Variants in PCDH15 observed in about 807,000 individuals in gnomAD.
PCDH15 encodes protocadherin related 15.
A neutral mutation model predicts 178.5 loss-of-function variants in PCDH15; 129 were observed. That is an observed-to-expected ratio of 0.72 (90% confidence interval 0.63 to 0.84). PCDH15 has a LOEUF of 0.84. Among genes scored for constraint, PCDH15 ranks in the 40% least tolerant of loss-of-function variants. The pLI is 0.00. For missense variants in PCDH15, 2,230 were observed against 2,099.9 expected (o/e 1.06, Z -1.21); for synonymous variants, 800 against 732.0 (o/e 1.09, Z -1.50).
chr10:55,399,341 G>A (rs1281389379), intron 2 of PCDH15, among the ~76,000 whole-genome samples: 1 of 151,924 alleles, frequency 6.6e-6, no homozygotes, highest in Non-Finnish European at 1.5e-5. Flanking sequence ...TCTGCCACTG[G>A]AAACACTACA....
chr10:54,697,946 A>T (rs1240536145), intron 1 of PCDH15, among the ~76,000 whole-genome samples: 1 of 151,332 alleles, frequency 6.6e-6, no homozygotes, highest in African/African-American at 2.4e-5. Context: ...GCATCTGTAC[A>T]TTCCCTTCTT....
chr10:55,263,745 AT>A lies in PCDH15; in HGVS notation c.-156+55853del, dbSNP rs1037248183. Among the ~76,000 whole-genome samples, 155 of 151,726 alleles carry A rather than the reference AT, an allele frequency of 1.0e-3. 1 individual carries two copies. Among genetic ancestry groups the A allele is most frequent in the African/African-American group, 3.5e-3 (144 of 41,360 alleles). On this transcript the variant is annotated intron_variant, in intron 1 of 5. Coordinates refer to the PCDH15 transcript ENST00000458638. ...TTAATTTATTTTATTTTATTATTTT[AT>A]TTTTTTGAGACGGAGTCTCACTCTG... is the stretch of plus-strand genomic sequence containing the variant.
At chr10:54,963,164 G>A (rs1485591120) in intron 2 of PCDH15, among the ~76,000 whole-genome samples, 1 of 152,150 alleles carries the variant, frequency 6.6e-6, no homozygotes, top group Non-Finnish European at 1.5e-5. Context: ...GGAAAATGGT[G>A]AGTCCCATGG....
intron 37 of PCDH15, chr10:53,809,430 C>T: frequency 6.2e-7 from 1 of 1,613,976 alleles, no homozygotes. Context: ...TGGCTCTCTT[C>T]CATGTTGTGT....
At chr10:55,424,999 AAC>A (rs1006018811) in intron 2 of PCDH15, among the ~76,000 whole-genome samples, 14 of 152,206 alleles carry the variant, frequency 9.2e-5, no homozygotes, top group African/African-American at 3.1e-4. Flanking sequence ...ACTTTTAAGA[AAC>A]AGATCAAATT....
At position 55,054,729 on chromosome 10, in the gene PCDH15, C is replaced by T. The variant is rs527493947; in HGVS notation, c.-80+111847G>A. Among the ~76,000 whole-genome samples the T allele has an allele frequency of 1.7e-4, 26 of 152,220 alleles. 4 individuals are homozygous for T. Among genetic ancestry groups the T allele is most frequent in the African/African-American group, 6.0e-4 (25 of 41,536 alleles). On this transcript the variant is annotated intron_variant, in intron 2 of 5. Coordinates refer to the PCDH15 transcript ENST00000458638. Reference sequence around the variant, plus strand: ...CATTCTGACTGGTGTTAGATGGCATCTCATTGTGGTTTGATTTGCATTTCT... The same window carrying T: ...CATTCTGACTGGTGTTAGATGGCATTTCATTGTGGTTTGATTTGCATTTCT...
chr10:55,273,690 T>G (rs1474407210), intron 1 of PCDH15, among the ~76,000 whole-genome samples: 1 of 152,058 alleles, frequency 6.6e-6, no homozygotes, highest in Non-Finnish European at 1.5e-5. Flanking sequence ...CTGTTAGAAC[T>G]TTCCTTATAT....
chr10:55,160,351 G>A (rs1264618009), intron 2 of PCDH15, among the ~76,000 whole-genome samples: 2 of 151,812 alleles, frequency 1.3e-5, no homozygotes, highest in East Asian at 3.9e-4. Flanking sequence ...GCCATCCTCT[G>A]GATTTGTCTT....
intron 2 of PCDH15, among the ~76,000 whole-genome samples, chr10:54,992,522 G>A (rs1031044265): frequency 1.2e-4 from 18 of 152,072 alleles, no homozygotes; most frequent in African/African-American, 3.9e-4. Flanking sequence ...GGAGGCCGAG[G>A]CGGGCAGATC....
chr10:55,104,185 T>C (rs796559390), intron 2 of PCDH15, among the ~76,000 whole-genome samples: 5 of 149,630 alleles, frequency 3.3e-5, no homozygotes, highest in African/African-American at 7.7e-5. Flanking sequence ...GTAATAAATA[T>C]CCTTTGTAGC....
chr10:55,313,391 T>G (rs934890368), intron 1 of PCDH15, among the ~76,000 whole-genome samples: 4 of 152,196 alleles, frequency 2.6e-5, no homozygotes, highest in African/African-American at 9.7e-5. Context: ...AATTCCAAAA[T>G]TTCAGTTAAA....
At position 53,803,425 on chromosome 10, in the gene PCDH15, A is replaced by C. The variant is rs1840984735; in HGVS notation, c.*3154T>G. On this transcript the variant is annotated 3_prime_UTR_variant, in exon 38 of 38. Transcript: ENST00000644397. Reference sequence around the variant, plus strand: ...TGATATAAAAATGTTTTTAAATAATATTTTAATGGTAACTACTGAATCACC... The same window carrying C: ...TGATATAAAAATGTTTTTAAATAATCTTTTAATGGTAACTACTGAATCACC... 1 of 151,980 alleles carries C rather than the reference A, an allele frequency of 6.6e-6. No individual in the cohort carries two copies. The highest frequency in any genetic ancestry group is 6.6e-5 in the Admixed American group (1 of 15,230). The allele number at this position is 151,980 out of a possible 1,614,324, so 9.4% of individuals were successfully genotyped here.
At chr10:54,512,170 C>T (rs1198161753) in intron 3 of PCDH15, among the ~76,000 whole-genome samples, 1 of 152,060 alleles carries the variant, frequency 6.6e-6, no homozygotes, top group East Asian at 1.9e-4. Flanking sequence ...TCTAATAAAA[C>T]ATAAAGTTTC....
At chr10:53,959,638 T>C in intron 23 of PCDH15, 94 bp downstream of exon 23, 1 of 924,258 alleles carries the variant, frequency 1.1e-6, no homozygotes, top group Non-Finnish European at 1.7e-6. Context: ...ATTGGAAGTC[T>C]ACTCATAAAT....
chr10:54,884,018 A>C (rs1954308133), intron 3 of PCDH15, among the ~76,000 whole-genome samples: 1 of 151,958 alleles, frequency 6.6e-6, no homozygotes, highest in Non-Finnish European at 1.5e-5. Context: ...TAACATGGGG[A>C]ATTTAGTTAA....
chr10:54,071,844 C>A (rs576674044), intron 17 of PCDH15, among the ~76,000 whole-genome samples: 1 of 152,024 alleles, frequency 6.6e-6, no homozygotes, highest in Non-Finnish European at 1.5e-5. Context: ...GGTGCAATTT[C>A]TTTTCTATAG....
intron 21 of PCDH15, among the ~76,000 whole-genome samples, chr10:53,990,711 A>G (rs1462061837): frequency 6.6e-6 from 1 of 151,982 alleles, no homozygotes; most frequent in African/African-American, 2.4e-5. Context: ...CTCTGGCCAC[A>G]CTTGAGGAGC....
chr10:54,718,974 C>A (rs1271224782), intron 1 of PCDH15, among the ~76,000 whole-genome samples: 1 of 151,968 alleles, frequency 6.6e-6, no homozygotes, highest in Non-Finnish European at 1.5e-5. Flanking sequence ...GGATTACAGG[C>A]ATGAGCCACT....
chr10:54,836,817 T>A (rs1953325328), intron 3 of PCDH15, among the ~76,000 whole-genome samples: 1 of 152,028 alleles, frequency 6.6e-6, no homozygotes, highest in Non-Finnish European at 1.5e-5. Context: ...AAGCTGAAAA[T>A]TAAACTACTG....
Sources: allele counts gnomAD v4.1 joint callset (sites outside exome capture counted in the v4.1 genomes callset), GRCh38; gene constraint gnomAD v4.1.1; transcripts MANE v1.5; gene names NCBI Gene and HGNC (gene_info 2026-07-23, HGNC 2026-07-21).